Variants in PLEKHB1 observed in about 807,000 individuals in gnomAD.
PLEKHB1 encodes pleckstrin homology domain-containing family B member 1.
Under a neutral mutation model 36.2 loss-of-function variants are expected in PLEKHB1, and 29 were observed. That is an observed-to-expected ratio of 0.80 (90% CI 0.60 to 1.09). The LOEUF (loss-of-function observed/expected upper bound fraction) is 1.09, where lower values mean the gene tolerates loss of function less well. PLEKHB1 is among the 50% of genes least tolerant of loss of function. The pLI is 0.00. For missense variants in PLEKHB1, 330 were observed against 348.2 expected (o/e 0.95, Z 0.42); for synonymous variants, 138 against 140.0 (o/e 0.99, Z 0.10).
At chr11:73,657,279 C>A (rs1945013640) in intron 6 of PLEKHB1, among the ~76,000 whole-genome samples, 2 of 152,176 alleles carry the variant, frequency 1.3e-5, no homozygotes, top group Admixed American at 1.3e-4. Flanking sequence ...TGATCAGGGT[C>A]ACTCAACTCA....
At position 73,646,618 on chromosome 11, in the gene PLEKHB1, G is replaced by A. The variant is rs1300644154; in HGVS notation, c.10G>A (p.Ala4Thr). The change falls in exon 1 of 8, where the codon GCA becomes ACA. Residue 4 changes from alanine to threonine, a missense_variant. Transcript: ENST00000354190. MSP[A>T]APVPPDSALE... ...TGGCCACCCAGGAACCATGAGCCCT[G>A]CAGCCCCGGTAAGGAAGAGTTCTCT... 1 of 1,551,556 alleles carries A rather than the reference G, an allele frequency of 6.4e-7. No individual in the cohort carries two copies. The highest frequency in any genetic ancestry group is 2.4e-5 in the East Asian group (1 of 40,898).
In PLEKHB1 at chr11:73,650,543, T is replaced by G; in HGVS notation, c.95-10T>G. 1 of 1,601,546 alleles carries G rather than the reference T, an allele frequency of 6.2e-7. No individual in the cohort carries two copies. Among genetic ancestry groups the G allele is most frequent in the African/African-American group, 1.3e-5 (1 of 74,748 alleles). The stretch of plus-strand genomic sequence containing the variant: ...ATCAGCCTGCCTAGTGCATCTGGAA[T>G]ATCGTACAGGCTCCATCCTCCGCCG... On this transcript the variant is annotated splice_polypyrimidine_tract_variant and intron_variant, in intron 2 of 7. Transcript: ENST00000354190.
chr11:73,661,676 C>T lies in PLEKHB1; in HGVS notation c.*74C>T, dbSNP rs1347601823. ...TCTTCCTCCTGGACCCCATCCTCTACCATCCAAGCCCTGTCCCACTTTGGC... is the reference window on the plus strand; with the variant it reads ...TCTTCCTCCTGGACCCCATCCTCTATCATCCAAGCCCTGTCCCACTTTGGC... On this transcript the variant is annotated 3_prime_UTR_variant, in exon 8 of 8. Coordinates refer to ENST00000354190, the MANE Select transcript of PLEKHB1 (RefSeq NM_021200.3). This position sits in a 1 kb window ranked among gnomAD's most constrained non-coding sequence, Gnocchi z 4.6. 23 of 1,493,142 alleles carry T rather than the reference C, an allele frequency of 1.5e-5. No homozygotes were observed. Among genetic ancestry groups the T allele is most frequent in the East Asian group, 2.3e-5 (1 of 43,200 alleles). The allele number at this position is 1,493,142 out of a possible 1,614,324, so 92.5% of individuals were successfully genotyped here.
intron 4 of PLEKHB1, 44 bp from the exon 5 acceptor site, chr11:73,652,931 C>T (rs752215680): frequency 3.2e-6 from 5 of 1,567,754 alleles, no homozygotes; most frequent in Admixed American, 1.7e-5. Flanking sequence ...AATTCACCCA[C>T]CCCCAAACTC....
chr11:73,650,674 C>T lies in PLEKHB1; in HGVS notation c.216C>T (p.Val72=), dbSNP rs774255947. Residue 72 remains valine, a synonymous_variant, in exon 3 of 8, where the codon GTC becomes GTT. Transcript: ENST00000354190. ...ACCGTGTGCTCATCCACTTCAATGT[C>T]CGTGACATAAAGATCGGCCCAGAGT... The part of the protein sequence containing the change: ...EEDRVLIHFN[V]RDIKIGPECH... 2 of 1,609,882 alleles carry T rather than the reference C, an allele frequency of 1.2e-6. No individual in the cohort carries two copies. Among genetic ancestry groups the T allele is most frequent in the South Asian group, 1.1e-5 (1 of 90,016 alleles).
chr11:73,651,606 GA>G (rs1944895608), intron 3 of PLEKHB1, 181 bp from the exon 4 acceptor site: 2 of 659,464 alleles, frequency 3.0e-6, no homozygotes, highest in Admixed American at 4.4e-5. Context: ...CCTCAGCATG[GA>G]AAGGTTGGAA....
At chr11:73,647,593 G>A (rs1051563835) in intron 1 of PLEKHB1, 47 of 985,352 alleles carry the variant, frequency 4.8e-5, no homozygotes, top group African/African-American at 1.4e-4. Flanking sequence ...CGGGGCCCGG[G>A]GGCAGCTGGG....
chr11:73,657,233 G>A (rs1477377595), intron 6 of PLEKHB1, among the ~76,000 whole-genome samples: 1 of 152,178 alleles, frequency 6.6e-6, no homozygotes, highest in Non-Finnish European at 1.5e-5. Context: ...ATGTGGCACT[G>A]TTAGATCCTC....
Position 73,661,817 on chromosome 11 carries a change from C to T in PLEKHB1, c.*215C>T, listed in dbSNP as rs1283635201. 3 of 572,554 alleles carry T rather than the reference C, an allele frequency of 5.2e-6. No individual in the cohort carries two copies. The highest frequency in any genetic ancestry group is 8.7e-6 in the Non-Finnish European group (3 of 343,344). The allele number at this position is 572,554 out of a possible 1,614,324, so 35.5% of individuals were successfully genotyped here. A position where few individuals can be genotyped will look rare whatever the true frequency, so the allele number is the denominator to read the frequency against. ...GTACAAACATCGCTTGAAGTCTTCA[C>T]ATCTACCACTAGACACCCCCAAAAT... On this transcript the variant is annotated 3_prime_UTR_variant, in exon 8 of 8. Transcript: ENST00000354190. The surrounding 1 kb of genome is among the most constrained non-coding windows in gnomAD (Gnocchi z 4.6).
chr11:73,654,570 A>G (rs642490), intron 5 of PLEKHB1, among the ~76,000 whole-genome samples: 22,996 of 152,178 alleles, frequency 0.15, 3,242 homozygotes, highest in African/African-American at 0.37. Context: ...TGACTTGTCC[A>G]AAGCTTATAC....
intron 6 of PLEKHB1, among the ~76,000 whole-genome samples, chr11:73,659,896 G>A (rs1158597752): frequency 6.6e-6 from 1 of 152,174 alleles, no homozygotes; most frequent in Non-Finnish European, 1.5e-5. Flanking sequence ...TACATAGTAG[G>A]TGCTCAATAA....
chr11:73,660,726 G>A, intron 6 of PLEKHB1, 27 bp from the exon 7 acceptor site: 1 of 1,561,060 alleles, frequency 6.4e-7, no homozygotes, highest in East Asian at 2.4e-5. Flanking sequence ...GGAGTTCCTG[G>A]GCACCTGACA....
intron 3 of PLEKHB1, 126 bp downstream of exon 3, chr11:73,650,831 A>T (rs117963381): frequency 0.011 from 12,825 of 1,168,948 alleles, 161 homozygotes; most frequent in Middle Eastern, 0.044. Flanking sequence ...ATTGCTTCTG[A>T]GCCTCTGTCA....
chr11:73,659,892 G>C, intron 6 of PLEKHB1, among the ~76,000 whole-genome samples: 1 of 152,210 alleles, frequency 6.6e-6, no homozygotes, highest in Non-Finnish European at 1.5e-5. Flanking sequence ...CTGGTACATA[G>C]TAGGTGCTCA....
Position 73,660,737 on chromosome 11 carries a change from T to C in PLEKHB1, c.496-16T>C, listed in dbSNP as rs375111151. 2.1e-5 allele frequency: 33 copies of C among 1,573,396 alleles called. No individual in the cohort carries two copies. The African/African-American group carries it at 3.9e-4, about 19-fold the overall frequency. On this transcript the variant is annotated splice_polypyrimidine_tract_variant and intron_variant, in intron 6 of 7. Coordinates refer to ENST00000354190, the MANE Select transcript of PLEKHB1 (RefSeq NM_021200.3). ...CCAGGGAGTTCCTGGGCACCTGACA[T>C]GGTTGGATTCCCCAGGTGCGCGTCT...
chr11:73,647,708 G>A, intron 1 of PLEKHB1: 1 of 985,544 alleles, frequency 1.0e-6, no homozygotes, highest in Non-Finnish European at 1.2e-6. Context: ...CGGCCGCTTA[G>A]GCAGCAACAT....
intron 6 of PLEKHB1, among the ~76,000 whole-genome samples, chr11:73,658,252 C>T (rs1945033174): frequency 6.6e-6 from 1 of 152,182 alleles, no homozygotes; most frequent in Non-Finnish European, 1.5e-5. Flanking sequence ...AAGCATATCC[C>T]TAGCAAAGGA....
Position 73,651,873 on chromosome 11 carries a change from G to C in PLEKHB1, c.333G>C (p.Glu111Asp). Residue 111 changes from glutamate (E) to aspartate (D), a missense_variant, in exon 4 of 8, where the codon GAG (glutamate) becomes GAC (aspartate). Transcript: ENST00000354190. ...GCGGCCGCCTGCACCTCTGTGCGGA[G>C]ACCAAGGATGATGCCCTGTGAGTCA... ...REGGRLHLCA[E>D]TKDDALAWKT... 2 of 1,613,464 alleles carry C rather than the reference G, an allele frequency of 1.2e-6. No homozygotes were observed. Among genetic ancestry groups the C allele is most frequent in the Non-Finnish European group, 1.7e-6 (2 of 1,179,860 alleles).
intron 4 of PLEKHB1, chr11:73,652,182 C>T (rs1350669898): frequency 9.4e-6 from 4 of 424,708 alleles, no homozygotes; most frequent in Admixed American, 4.0e-5. Flanking sequence ...GAGGTGAGCC[C>T]TCACCTGAGG....
Sources: allele counts gnomAD v4.1 joint callset (sites outside exome capture counted in the v4.1 genomes callset), GRCh38; gene constraint gnomAD v4.1.1; non-coding constraint Gnocchi (gnomAD v3.1); transcripts MANE v1.5; gene names NCBI Gene and HGNC (gene_info 2026-07-23, HGNC 2026-07-21).